NREP: variants seen among roughly 807,000 people sequenced by gnomAD.
The protein encoded by NREP is neuronal regeneration-related protein.
A neutral mutation model predicts 8.6 loss-of-function variants in NREP; 5 were observed. The observed-to-expected ratio is 0.58, with a 90% confidence interval of 0.30 to 1.22. NREP has a LOEUF of 1.22. NREP is among the 50% of genes most tolerant of loss of function. NREP has a pLI of 0.07. For missense variants in NREP, 86 were observed against 82.5 expected (o/e 1.04, Z -0.17); for synonymous variants, 27 against 28.0 (o/e 0.96, Z 0.11).
chr5:111,866,165 C>G (rs903969925), intron 2 of NREP, among the ~76,000 whole-genome samples: 2 of 152,122 alleles, frequency 1.3e-5, no homozygotes, highest in Non-Finnish European at 2.9e-5. Flanking sequence ...TCTAATTAAA[C>G]TAAAGAGCTT....
At chr5:111,836,686 C>T (rs1057309097) in intron 2 of NREP, among the ~76,000 whole-genome samples, 13 of 151,870 alleles carry the variant, frequency 8.6e-5, no homozygotes, top group African/African-American at 3.1e-4. Flanking sequence ...TTTCTTATAG[C>T]CAGGGAGAGC....
chr5:111,971,406 A>C (rs1385875400), intron 2 of NREP, among the ~76,000 whole-genome samples: 2 of 152,184 alleles, frequency 1.3e-5, no homozygotes, highest in African/African-American at 2.4e-5. Context: ...GTAGCAAAAA[A>C]CAAAAAACTA....
chr5:111,862,211 T>C (rs1753558453), intron 2 of NREP, among the ~76,000 whole-genome samples: 1 of 152,188 alleles, frequency 6.6e-6, no homozygotes, highest in African/African-American at 2.4e-5. Flanking sequence ...TTACAATGGA[T>C]TTTGATTCCA....
chr5:111,976,284 T>A (rs1183278829), intron 1 of NREP, among the ~76,000 whole-genome samples: 1 of 152,208 alleles, frequency 6.6e-6, no homozygotes, highest in African/African-American at 2.4e-5. Flanking sequence ...TTCTATGGCA[T>A]CTCTGACATT....
chr5:111,792,698 G>A (rs533278908), intron 2 of NREP, among the ~76,000 whole-genome samples: 1 of 152,256 alleles, frequency 6.6e-6, no homozygotes, highest in South Asian at 2.1e-4. Context: ...GGCAATCTTT[G>A]AGCATCCAAA....
At position 111,942,157 on chromosome 5, in the gene NREP, C is replaced by G. The variant is rs1409801987; in HGVS notation, c.135+33117G>C. 3.3e-5 allele frequency among the ~76,000 whole-genome samples: 5 copies of G among 152,126 alleles called. No homozygotes were observed. In the East Asian group the frequency reaches 7.8e-4, roughly 24 times the overall value. ...TATTTTCTTATGGTAACCATCTTAGCAAACATTGTTAGCCAGGATTTAATT... is the reference window on the plus strand; with the variant it reads ...TATTTTCTTATGGTAACCATCTTAGGAAACATTGTTAGCCAGGATTTAATT... On this transcript the variant is annotated intron_variant, in intron 2 of 3. Coordinates refer to the NREP transcript ENST00000395634.
chr5:111,782,110 C>T (rs949690894), intron 2 of NREP, among the ~76,000 whole-genome samples: 3 of 152,120 alleles, frequency 2.0e-5, no homozygotes, highest in Non-Finnish European at 4.4e-5. Context: ...TAGCATAGCA[C>T]CTAATACTAG....
intron 2 of NREP, among the ~76,000 whole-genome samples, chr5:111,861,833 A>G (rs1753550335): frequency 6.6e-6 from 1 of 152,170 alleles, no homozygotes; most frequent in African/African-American, 2.4e-5. Flanking sequence ...TTTAATAACA[A>G]TGGAAAGCAC....
chr5:111,946,813 T>A (rs896693712), intron 2 of NREP, among the ~76,000 whole-genome samples: 2 of 152,044 alleles, frequency 1.3e-5, no homozygotes, highest in African/African-American at 4.8e-5. Context: ...GAAGATCAGG[T>A]CTATAATGTT....
At chr5:111,859,646 C>G (rs777791693) in intron 2 of NREP, among the ~76,000 whole-genome samples, 3 of 152,108 alleles carry the variant, frequency 2.0e-5, no homozygotes, top group Non-Finnish European at 4.4e-5. Context: ...TTCTACCCTA[C>G]CGTACCTGTA....
rs114337320 is a variant in NREP at position 111,775,082 on chromosome 5, C to T, written c.136-39575G>A. On this transcript the variant is annotated intron_variant, in intron 2 of 3. Coordinates refer to the NREP transcript ENST00000395634. Reference sequence around the variant, plus strand: ...TTCTGTTTTTTTCTTTAAGAGATGGCGTTTTGCTATGTTGCTCAGGCTGGC... The same window carrying T: ...TTCTGTTTTTTTCTTTAAGAGATGGTGTTTTGCTATGTTGCTCAGGCTGGC... 5.2e-3 allele frequency among the ~76,000 whole-genome samples: 790 copies of T among 152,136 alleles called. 1 individual carries two copies. The highest frequency in any genetic ancestry group is 0.018 in the African/African-American group (733 of 41,518).
intron 2 of NREP, among the ~76,000 whole-genome samples, chr5:111,832,000 T>G (rs1752780174): frequency 6.6e-6 from 1 of 152,168 alleles, no homozygotes; most frequent in Non-Finnish European, 1.5e-5. Context: ...ATGAGTGTTA[T>G]AAGAACGCTT....
At chr5:111,860,185 T>C (rs1753513816) in intron 2 of NREP, among the ~76,000 whole-genome samples, 1 of 152,156 alleles carries the variant, frequency 6.6e-6, no homozygotes, top group African/African-American at 2.4e-5. Flanking sequence ...TGTGAGTATG[T>C]GTACTTGGGG....
intron 2 of NREP, among the ~76,000 whole-genome samples, chr5:111,910,920 T>C (rs945838773): frequency 2.6e-4 from 40 of 152,060 alleles, no homozygotes; most frequent in Admixed American, 4.6e-4. Flanking sequence ...CAGCCCCTTC[T>C]TGGTACTAGA....
intron 2 of NREP, among the ~76,000 whole-genome samples, chr5:111,959,574 G>A (rs1756426409): frequency 2.0e-5 from 3 of 151,968 alleles, no homozygotes; most frequent in South Asian, 4.1e-4. Flanking sequence ...ATATATTTTT[G>A]TAAAACTTCA....
chr5:111,905,721 C>T (rs73787720), intron 2 of NREP, among the ~76,000 whole-genome samples: 1,922 of 152,196 alleles, frequency 0.013, 12 homozygotes, highest in Middle Eastern at 0.041. Flanking sequence ...GCTAAGAGTA[C>T]TATATGCATC....
chr5:111,799,734 G>C (rs1035796829), intron 2 of NREP, among the ~76,000 whole-genome samples: 1 of 152,088 alleles, frequency 6.6e-6, no homozygotes, highest in Non-Finnish European at 1.5e-5. Context: ...TTACTTATGC[G>C]TACATAATTC....
intron 2 of NREP, among the ~76,000 whole-genome samples, chr5:111,764,131 T>C (rs1228002374): frequency 6.6e-6 from 1 of 152,220 alleles, no homozygotes; most frequent in African/African-American, 2.4e-5. Context: ...TCCTGTTCCA[T>C]TGACCTTAGC....
Position 111,838,211 on chromosome 5 carries a change from T to C in NREP, c.136-102704A>G, listed in dbSNP as rs537819424. Among the ~76,000 whole-genome samples the C allele has an allele frequency of 7.9e-5, 12 of 152,304 alleles. No individual in the cohort carries two copies. In the East Asian group the frequency reaches 2.3e-3, roughly 29 times the overall value. ...ACTCTATTAATGAGACACTATATTC[T>C]TTTTATTTGCAGAATGTCTTCTAAA... On this transcript the variant is annotated intron_variant, in intron 2 of 3. Transcript: ENST00000395634.
Sources: allele counts gnomAD v4.1 joint callset (sites outside exome capture counted in the v4.1 genomes callset), GRCh38; gene constraint gnomAD v4.1.1; transcripts MANE v1.5; gene names NCBI Gene and HGNC (gene_info 2026-07-23, HGNC 2026-07-21).